Variants in NPHP4 observed in about 807,000 individuals in gnomAD.
NPHP4 encodes nephrocystin-4.
In NPHP4, 151 loss-of-function variants were observed where a neutral mutation model predicts 155.8. The observed-to-expected ratio is 0.97, with a 90% confidence interval of 0.85 to 1.11. The LOEUF is 1.11. Ranked by LOEUF, NPHP4 falls within the 50% of genes least tolerant of loss-of-function variation. The pLI is 0.00. For synonymous variants in NPHP4, 845 were observed against 816.8 expected, an observed-to-expected ratio of 1.03 and a Z score of -0.59; for missense variants, 1,956 against 1,925.7, an observed-to-expected ratio of 1.02 and a Z score of -0.29.
At chr1:5,970,579 G>C (rs1415923737) in intron 3 of NPHP4, among the ~76,000 whole-genome samples, 1 of 152,090 alleles carries the variant, frequency 6.6e-6, no homozygotes, top group African/African-American at 2.4e-5. Context: ...CTAATCAACA[G>C]GGAATGCGCA....
intron 17 of NPHP4, 147 bp from the exon 18 acceptor site, chr1:5,887,613 T>TG (rs936555438): frequency 3.8e-6 from 3 of 783,450 alleles, no homozygotes; most frequent in African/African-American, 3.5e-5. Flanking sequence ...TGCACCACGC[T>TG]GGGGGGTGAG....
At chr1:5,901,474 G>C (rs1644678336) in intron 16 of NPHP4, among the ~76,000 whole-genome samples, 1 of 152,218 alleles carries the variant, frequency 6.6e-6, no homozygotes, top group Non-Finnish European at 1.5e-5. Context: ...TTCAACTTAA[G>C]AATTTTGGAC....
intron 9 of NPHP4, among the ~76,000 whole-genome samples, chr1:5,943,369 G>A: frequency 6.6e-6 from 1 of 152,216 alleles, no homozygotes; most frequent in Admixed American, 6.5e-5. Context: ...CCTGAACACA[G>A]TATTTGTTCC....
chr1:5,899,831 G>C (rs889979271), intron 16 of NPHP4, among the ~76,000 whole-genome samples: 2 of 152,046 alleles, frequency 1.3e-5, no homozygotes, highest in South Asian at 4.1e-4. Flanking sequence ...CCATAGATAG[G>C]GAAAAAACAT....
rs558208382 is a variant in NPHP4 at position 5,910,980 on chromosome 1, T to C, written c.1442-1767A>G. 6.6e-6 allele frequency among the ~76,000 whole-genome samples: 1 copy of C among 152,340 alleles called. No homozygotes were observed. The highest frequency in any genetic ancestry group is 2.4e-5 in the African/African-American group (1 of 41,588). Reference sequence around the variant, plus strand: ...CAACTACCTCCTGGGCAGCGCCCATTTGGCCCGCGCAGCTCCTCTGTAACC... The same window carrying C: ...CAACTACCTCCTGGGCAGCGCCCATCTGGCCCGCGCAGCTCCTCTGTAACC... On this transcript the variant is annotated intron_variant, in intron 11 of 29. Coordinates refer to ENST00000378156, the MANE Select transcript of NPHP4 (RefSeq NM_015102.5). This position sits in a 1 kb window ranked among gnomAD's most constrained non-coding sequence, Gnocchi z 5.4.
chr1:5,967,484 C>A (rs1176873828), intron 4 of NPHP4, 121 bp from the exon 5 acceptor site: 19 of 763,902 alleles, frequency 2.5e-5, no homozygotes, highest in Non-Finnish European at 4.0e-5. Context: ...CCAGTCCCAT[C>A]CTCTGCGGAA....
intron 11 of NPHP4, among the ~76,000 whole-genome samples, chr1:5,921,094 C>T (rs1645719067): frequency 6.6e-6 from 1 of 152,228 alleles, no homozygotes; most frequent in Admixed American, 6.5e-5. Flanking sequence ...ATAAGCAATA[C>T]ATGCAATTGT....
intron 17 of NPHP4, chr1:5,888,602 A>G (rs1643944286): frequency 1.5e-6 from 2 of 1,350,844 alleles, no homozygotes; most frequent in East Asian, 4.5e-5. Flanking sequence ...AGAAGATATG[A>G]GAAGTCTCCT....
chr1:5,987,888 C>G (rs1253001593), intron 1 of NPHP4, among the ~76,000 whole-genome samples: 7 of 152,162 alleles, frequency 4.6e-5, no homozygotes, highest in Non-Finnish European at 1.0e-4. Context: ...ACAACTGCAA[C>G]AAAAATGGAG....
rs142098216 is a variant in NPHP4 at position 5,919,801 on chromosome 1, G to A, written c.1441+7848C>T. Among the ~76,000 whole-genome samples the A allele has an allele frequency of 5.6e-3, 847 of 151,944 alleles. 10 individuals are homozygous for A. The highest frequency in any genetic ancestry group is 0.018 in the African/African-American group (752 of 41,418). ...GATGCCCAGGCTAGAGTACAGTGAC[G>A]TGATCATAGTTCACTGCAGCCTCGA... is the stretch of plus-strand genomic sequence containing the variant. On this transcript the variant is annotated intron_variant, in intron 11 of 29. Coordinates refer to ENST00000378156, the MANE Select transcript of NPHP4 (RefSeq NM_015102.5).
chr1:5,947,856 A>C (rs1647192454), intron 8 of NPHP4, among the ~76,000 whole-genome samples: 2 of 151,574 alleles, frequency 1.3e-5, no homozygotes, highest in South Asian at 4.2e-4. Context: ...TAACCCCCAA[A>C]TTGTCAGAGC....
intron 4 of NPHP4, among the ~76,000 whole-genome samples, chr1:5,967,852 C>T (rs75952532): frequency 0.017 from 2,535 of 152,124 alleles, 32 homozygotes; most frequent in Non-Finnish European, 0.025. Flanking sequence ...ACAGCACAGA[C>T]GACAGCCCCG....
rs565951647 is a variant in NPHP4, at chr1:5,909,451, G to A, written c.1442-238C>T. On this transcript the variant is annotated intron_variant, in intron 11 of 29. Transcript: ENST00000378156. ...CAGGAGAGGGGGTACAGCTGGCCTC[G>A]TCCTCACTGTTCTTCCTGGGCCAGC... Among the ~76,000 whole-genome samples, 12 of 152,246 alleles carry A rather than the reference G, an allele frequency of 7.9e-5. No homozygotes were observed. In the East Asian group the frequency reaches 9.7e-4, roughly 12 times the overall value.
At chr1:5,866,093 C>A in intron 26 of NPHP4, 1 of 500,380 alleles carries the variant, frequency 2.0e-6, no homozygotes, top group Non-Finnish European at 3.6e-6. Context: ...TCTGGGTGGC[C>A]CTTGCCACTA....
chr1:5,913,021 C>T (rs191502129), intron 11 of NPHP4, among the ~76,000 whole-genome samples: 26 of 152,100 alleles, frequency 1.7e-4, no homozygotes, highest in Non-Finnish European at 3.1e-4. Context: ...CATGGTGGCA[C>T]GCGCCTGTAA....
intron 2 of NPHP4, among the ~76,000 whole-genome samples, chr1:5,980,206 C>A (rs932340504): frequency 7.2e-5 from 11 of 152,206 alleles, no homozygotes; most frequent in Non-Finnish European, 1.5e-5. Context: ...TCCTGACCAA[C>A]CCTGCGCTTC....
intron 27 of NPHP4, 55 bp downstream of exon 27, chr1:5,865,047 C>T (rs752350871): frequency 3.2e-6 from 5 of 1,568,662 alleles, no homozygotes; most frequent in East Asian, 2.3e-5. Context: ...GCCCACTGCC[C>T]GTCTCCAGGC....
rs1644096865 is a variant in NPHP4 at position 5,890,992 on chromosome 1, G to A, written c.2180C>T (p.Pro727Leu). Residue 727 changes from proline (P) to leucine (L), a missense_variant, in exon 17 of 30, where the codon CCT becomes CTT. By Grantham distance (98) the Pro-to-Leu change is moderately conservative. Coordinates refer to ENST00000378156, the MANE Select transcript of NPHP4 (RefSeq NM_015102.5). The surrounding 1 kb of genome is among the most constrained non-coding windows in gnomAD (Gnocchi z 4.9). ...CCGCTCACCTGGCTTCAGGAACCCA[G>A]GGCCCACCATGTACCTCAGCTGGAA... ...PGFQLRYMVG[P>L]GFLKPGERRC... is the part of the protein sequence containing the mutation. The A allele has an allele frequency of 1.3e-6, 2 of 1,576,258 alleles. No homozygotes were observed. Among genetic ancestry groups the A allele is most frequent in the Admixed American group, 1.7e-5 (1 of 58,876 alleles).
intron 19 of NPHP4, among the ~76,000 whole-genome samples, chr1:5,877,879 T>C: frequency 6.6e-6 from 1 of 152,148 alleles, no homozygotes; most frequent in East Asian, 1.9e-4. Flanking sequence ...CAATGACTCA[T>C]TTAGCAAACC....
Sources: gnomAD v4.1 joint callset for allele counts (sites outside exome capture counted in the v4.1 genomes callset) on GRCh38, gnomAD v4.1.1 for gene constraint, Gnocchi (gnomAD v3.1) non-coding constraint, MANE v1.5 for transcripts, NCBI Gene and HGNC (gene_info 2026-07-23, HGNC 2026-07-21) for gene names.